The following PTPRT variants were observed in gnomAD, a reference collection of about 807,000 sequenced individuals.
PTPRT encodes the protein receptor-type tyrosine-protein phosphatase T.
In PTPRT, 56 loss-of-function variants were observed where a neutral mutation model predicts 176.8. The observed-to-expected ratio is 0.32, with a 90% CI of 0.26 to 0.40. The LOEUF is 0.40. Ranked by LOEUF, PTPRT falls within the 10% of genes least tolerant of loss-of-function variation. The probability of loss-of-function intolerance (pLI) is 1.00; values close to 1 mark genes in which losing one functional copy is unlikely to be tolerated. For missense variants in PTPRT, 1,540 were observed against 1,908.2 expected, an observed-to-expected ratio of 0.81 and a Z score of 3.60; for synonymous variants, 783 against 739.0, an observed-to-expected ratio of 1.06 and a Z score of -0.96.
chr20:42,330,009 T>C lies in PTPRT; in HGVS notation c.1866-14013A>G, dbSNP rs142928139. ...TATCCACATGAACGACATGGCATAA[T>C]CTATGCCTAATACTCTCTACCCAGC... On this transcript the variant is annotated intron_variant, in intron 11 of 30. Transcript: ENST00000373187. 4.6e-5 allele frequency among the ~76,000 whole-genome samples: 7 copies of C among 152,344 alleles called. No individual in the cohort carries two copies. In the East Asian group the frequency reaches 1.3e-3, roughly 29 times the overall value.
chr20:42,051,582 G>T, the PTPRT span, among the ~76,000 whole-genome samples: 8 of 152,202 alleles, frequency 5.3e-5, no homozygotes, highest in African/African-American at 1.9e-4. Context: ...GACAGGCTGA[G>T]ACCAGCAGTC....
intron 9 of PTPRT, among the ~76,000 whole-genome samples, chr20:42,411,347 T>A (rs947920875): frequency 6.6e-6 from 1 of 151,362 alleles, no homozygotes; most frequent in Non-Finnish European, 1.5e-5. Context: ...TGAAACCCTG[T>A]CTCTACTGAA....
chr20:42,665,943 T>A (rs1390518201), intron 7 of PTPRT, among the ~76,000 whole-genome samples: 2 of 66,426 alleles, frequency 3.0e-5, no homozygotes, highest in Non-Finnish European at 5.5e-5. Flanking sequence ...GGGCCTGTTG[T>A]GGGGTGGGGG....
At chr20:42,534,235 A>G (rs6072773) in intron 7 of PTPRT, among the ~76,000 whole-genome samples, 15,592 of 152,258 alleles carry the variant, frequency 0.1, 930 homozygotes, top group East Asian at 0.2. Flanking sequence ...TCACCAAACC[A>G]GTGTCCAACA....
chr20:42,427,462 G>A (rs1169652591), intron 9 of PTPRT, among the ~76,000 whole-genome samples: 5 of 152,232 alleles, frequency 3.3e-5, no homozygotes, highest in East Asian at 3.9e-4. Context: ...CACGATCAAG[G>A]TGCCTGCAGA....
intron 15 of PTPRT, among the ~76,000 whole-genome samples, chr20:42,216,317 C>G (rs183000326): frequency 2.0e-5 from 3 of 152,322 alleles, no homozygotes; most frequent in Non-Finnish European, 2.9e-5. Flanking sequence ...AGGACAACAA[C>G]CTTTTTGGCC....
chr20:42,096,889 T>C (rs1985315359), intron 27 of PTPRT, among the ~76,000 whole-genome samples: 1 of 151,958 alleles, frequency 6.6e-6, no homozygotes, highest in Non-Finnish European at 1.5e-5. Flanking sequence ...AGACCCATCT[T>C]TCTAACAGGA....
chr20:42,185,893 C>G (rs764130424), intron 16 of PTPRT, among the ~76,000 whole-genome samples: 4 of 151,990 alleles, frequency 2.6e-5, no homozygotes, highest in Non-Finnish European at 5.9e-5. Flanking sequence ...GTCAGGCACT[C>G]TGCTGAGGAT....
chr20:43,039,336 A>G (rs1232842518), intron 1 of PTPRT, among the ~76,000 whole-genome samples: 5 of 140,220 alleles, frequency 3.6e-5, no homozygotes, highest in Admixed American at 1.5e-4. Flanking sequence ...ACAACTAGCT[A>G]TCTTCTTGAA....
intron 8 of PTPRT, among the ~76,000 whole-genome samples, chr20:42,448,729 T>C (rs966871291): frequency 6.6e-6 from 1 of 151,946 alleles, no homozygotes; most frequent in African/African-American, 2.4e-5. Flanking sequence ...CTGCCAGAGG[T>C]GGGAATCTGA....
chr20:42,946,670 G>T (rs769310955), intron 1 of PTPRT, among the ~76,000 whole-genome samples: 20 of 152,156 alleles, frequency 1.3e-4, no homozygotes, highest in Non-Finnish European at 2.4e-4. Flanking sequence ...CCTAGTGGGA[G>T]TATCAGCAAC....
chr20:42,419,398 G>C (rs747836657), intron 9 of PTPRT, among the ~76,000 whole-genome samples: 17 of 152,182 alleles, frequency 1.1e-4, no homozygotes, highest in Non-Finnish European at 2.4e-4. Flanking sequence ...GGGCAGCAGG[G>C]GAAGGTTAGA....
intron 2 of PTPRT, among the ~76,000 whole-genome samples, chr20:42,798,560 A>G (rs1272586545): frequency 6.6e-6 from 1 of 152,200 alleles, no homozygotes; most frequent in Non-Finnish European, 1.5e-5. Flanking sequence ...AAAAAAAAGA[A>G]ATCTGCTGCT....
At chr20:42,407,698 A>C (rs2058975168) in intron 9 of PTPRT, among the ~76,000 whole-genome samples, 1 of 152,200 alleles carries the variant, frequency 6.6e-6, no homozygotes, top group African/African-American at 2.4e-5. Context: ...ACTCAGGAAA[A>C]ATATTTTAAA....
intron 1 of PTPRT, among the ~76,000 whole-genome samples, chr20:43,094,987 A>G (rs1461657332): frequency 6.6e-6 from 1 of 152,112 alleles, no homozygotes. Flanking sequence ...GTTCAGGGGG[A>G]AAGGCATGAG....
At chr20:42,835,145 A>C (rs1037910259) in intron 2 of PTPRT, among the ~76,000 whole-genome samples, 1 of 152,224 alleles carries the variant, frequency 6.6e-6, no homozygotes, top group Non-Finnish European at 1.5e-5. Flanking sequence ...AGGCGATATT[A>C]AACTAGGAAG....
At position 42,381,731 on chromosome 20, in the gene PTPRT, T is replaced by G. The variant is rs139189490; in HGVS notation, c.1561-29446A>C. ...AAGAAAAGAGAAGGAGGGAGAAATA[T>G]GTAAATGACCCGATTAGTCTTCACC... On this transcript the variant is annotated intron_variant, in intron 9 of 30. Transcript: ENST00000373187. Among the ~76,000 whole-genome samples, 105 of 152,138 alleles carry G rather than the reference T, an allele frequency of 6.9e-4. No individual in the cohort carries two copies. In the East Asian group the frequency reaches 0.019, roughly 28 times the overall value.
At chr20:43,001,767 A>G (rs1984569671) in intron 1 of PTPRT, among the ~76,000 whole-genome samples, 1 of 152,220 alleles carries the variant, frequency 6.6e-6, no homozygotes, top group Non-Finnish European at 1.5e-5. Flanking sequence ...AAGAAAGATC[A>G]CTTTCAAATT....
chr20:42,532,921 A>T (rs909870522), intron 7 of PTPRT, among the ~76,000 whole-genome samples: 2 of 152,140 alleles, frequency 1.3e-5, no homozygotes, highest in African/African-American at 4.8e-5. Context: ...ACTGAGCCCC[A>T]GAGCTAGTTA....
Sources: allele counts gnomAD v4.1 joint callset (sites outside exome capture counted in the v4.1 genomes callset), GRCh38; gene constraint gnomAD v4.1.1; transcripts MANE v1.5; gene names NCBI Gene and HGNC (gene_info 2026-07-23, HGNC 2026-07-21).